The following ERC1 variants were observed in gnomAD, a reference collection of about 807,000 sequenced individuals.
ERC1 encodes the protein ELKS/RAB6-interacting/CAST family member 1.
Under a neutral mutation model 132.0 loss-of-function variants are expected in ERC1, and 56 were observed. That is an observed-to-expected ratio of 0.42 (90% CI 0.34 to 0.53). ERC1 has a LOEUF of 0.53. Ranked by LOEUF, ERC1 falls within the 20% of genes least tolerant of loss-of-function variation. The pLI is 0.03. For synonymous variants in ERC1, 478 were observed against 476.1 expected (o/e 1.00, Z -0.05); for missense variants, 1,202 against 1,349.9 (o/e 0.89, Z 1.72).
chr12:1,116,099 G>T, intron 7 of ERC1, 66 bp downstream of exon 7: 1 of 1,408,332 alleles, frequency 7.1e-7, no homozygotes, highest in South Asian at 1.4e-5. Context: ...CGTTACCTGT[G>T]CTGTTTTTGT....
chr12:1,091,365 T>A (rs1484823467), intron 3 of ERC1, among the ~76,000 whole-genome samples: 1 of 152,130 alleles, frequency 6.6e-6, no homozygotes, highest in African/African-American at 2.4e-5. Flanking sequence ...TCAGTGGAGA[T>A]CTGAAGAGAA....
chr12:1,342,130 T>C (rs1030023806), intron 15 of ERC1, among the ~76,000 whole-genome samples: 5 of 152,000 alleles, frequency 3.3e-5, no homozygotes, highest in African/African-American at 1.2e-4. Context: ...AGAGAGAGTT[T>C]TTCCTGAAAA....
chr12:1,069,786 T>G (rs1289213190), intron 2 of ERC1, among the ~76,000 whole-genome samples: 1 of 152,208 alleles, frequency 6.6e-6, no homozygotes, highest in African/African-American at 2.4e-5. Flanking sequence ...TTAAGTGGGA[T>G]AAATAGATTT....
At chr12:1,401,181 G>A (rs749844181) in intron 16 of ERC1, among the ~76,000 whole-genome samples, 23 of 151,802 alleles carry the variant, frequency 1.5e-4, no homozygotes, top group Admixed American at 6.6e-4. Context: ...TGATCCGCCC[G>A]TCTCAGCCTT....
chr12:1,132,205 T>G (rs1165094484), intron 7 of ERC1, among the ~76,000 whole-genome samples: 1 of 152,232 alleles, frequency 6.6e-6, no homozygotes, highest in African/African-American at 2.4e-5. Context: ...ACTAGCATAT[T>G]TGAATTCTGT....
chr12:1,250,950 A>C (rs951292430), intron 13 of ERC1, among the ~76,000 whole-genome samples: 1 of 152,222 alleles, frequency 6.6e-6, no homozygotes, highest in Admixed American at 6.5e-5. Flanking sequence ...ATTAAGAATA[A>C]AGTTCAAAGA....
At chr12:1,284,563 A>G (rs2078918713) in intron 14 of ERC1, among the ~76,000 whole-genome samples, 1 of 152,178 alleles carries the variant, frequency 6.6e-6, no homozygotes, top group East Asian at 1.9e-4. Flanking sequence ...CTAACAGTGT[A>G]TGAGTGCTCT....
intron 14 of ERC1, among the ~76,000 whole-genome samples, chr12:1,266,252 C>T (rs2077469840): frequency 6.6e-6 from 1 of 152,082 alleles, no homozygotes; most frequent in South Asian, 2.1e-4. Context: ...TGAAATATTG[C>T]ATGAGACCAG....
intron 16 of ERC1, among the ~76,000 whole-genome samples, chr12:1,398,102 GC>G (rs2090693038): frequency 6.6e-6 from 1 of 152,084 alleles, no homozygotes; most frequent in African/African-American, 2.4e-5. Context: ...TCCCACCTCA[GC>G]CTCCCAAGTA....
At chr12:1,450,847 C>T (rs2093411115) in intron 18 of ERC1, among the ~76,000 whole-genome samples, 1 of 152,178 alleles carries the variant, frequency 6.6e-6, no homozygotes, top group South Asian at 2.1e-4. Flanking sequence ...AAATAGTAGC[C>T]ACCCTAATGG....
intron 8 of ERC1, among the ~76,000 whole-genome samples, chr12:1,168,947 A>G (rs1451585842): frequency 6.6e-6 from 1 of 152,084 alleles, no homozygotes; most frequent in African/African-American, 2.4e-5. Context: ...TATAATATAC[A>G]CCTTAAAGTT....
intron 3 of ERC1, among the ~76,000 whole-genome samples, chr12:1,094,410 T>G: frequency 1.4e-5 from 1 of 71,302 alleles, no homozygotes; most frequent in Non-Finnish European, 5.3e-5. Context: ...TTATTCCTTC[T>G]CTCTCTTTTT....
chr12:1,323,011 C>G (rs181669955), intron 15 of ERC1, among the ~76,000 whole-genome samples: 8 of 152,226 alleles, frequency 5.3e-5, no homozygotes, highest in Admixed American at 1.3e-4. Flanking sequence ...CTTTCTGTTT[C>G]ATCTCTCTTC....
In ERC1 at chr12:1,141,701, G is replaced by C. The variant is rs1303028549; in HGVS notation, c.1651G>C (p.Glu551Gln). ...AAAACAAATTCAGGATATGGCTGAA[G>C]AGAAGGGGACACAAGCTGGAGAGAT... ...KTKQIQDMAE[E>Q]KGTQAGEIHD... The change falls in exon 8 of 19, where the codon GAG becomes CAG. Residue 551 changes from glutamate (E) to glutamine (Q), a missense_variant. Physicochemically the swap from Glu to Gln is conservative, Grantham distance 29. Transcript: ENST00000360905. 1 of 1,613,472 alleles carries C rather than the reference G, an allele frequency of 6.2e-7. No individual in the cohort carries two copies. Among genetic ancestry groups the C allele is most frequent in the African/African-American group, 1.3e-5 (1 of 74,912 alleles).
At chr12:1,079,051 C>A (rs530720803) in intron 2 of ERC1, among the ~76,000 whole-genome samples, 1 of 141,614 alleles carries the variant, frequency 7.1e-6, no homozygotes, top group East Asian at 2.0e-4. Flanking sequence ...TGTAATATGA[C>A]AAAAGTCGAT....
intron 12 of ERC1, among the ~76,000 whole-genome samples, chr12:1,207,386 G>T (rs867570111): frequency 6.6e-6 from 1 of 152,026 alleles, no homozygotes; most frequent in Non-Finnish European, 1.5e-5. Context: ...TGACTTATGG[G>T]CAAGAGTTTA....
At chr12:1,208,957 AT>A (rs538961813) in intron 12 of ERC1, among the ~76,000 whole-genome samples, 1,361 of 71,604 alleles carry the variant, frequency 0.019, 9 homozygotes, top group Middle Eastern at 0.024. Context: ...CGCCCAGCTG[AT>A]TTTTTTTTTT....
intron 11 of ERC1, among the ~76,000 whole-genome samples, chr12:1,185,975 T>TA (rs1029765449): frequency 2.6e-5 from 4 of 152,184 alleles, no homozygotes; most frequent in African/African-American, 9.6e-5. Context: ...TTTCTGCCAA[T>TA]AGAGTCTTTT....
chr12:1,251,403 T>C (rs2076462765), intron 13 of ERC1, among the ~76,000 whole-genome samples: 1 of 152,184 alleles, frequency 6.6e-6, no homozygotes, highest in Admixed American at 6.5e-5. Context: ...AATTTTTTCT[T>C]AGTAAAACAG....
Sources: allele counts gnomAD v4.1 joint callset (sites outside exome capture counted in the v4.1 genomes callset), GRCh38; gene constraint gnomAD v4.1.1; transcripts MANE v1.5; gene names NCBI Gene and HGNC (gene_info 2026-07-23, HGNC 2026-07-21).